Variants in ITFG1 observed in about 807,000 individuals in gnomAD.
ITFG1 encodes the protein integrin alpha FG-GAP repeat containing 1.
In ITFG1, 34 loss-of-function variants were observed where a neutral mutation model predicts 81.8. The observed-to-expected ratio is 0.42, with a 90% CI of 0.32 to 0.55. The LOEUF is 0.55. Ranked by LOEUF, ITFG1 falls within the 20% of genes least tolerant of loss-of-function variation. ITFG1 has a pLI of 0.17. For missense variants in ITFG1, 672 were observed against 755.4 expected (o/e 0.89, Z 1.29); for synonymous variants, 285 against 270.6 (o/e 1.05, Z -0.52).
In ITFG1 at chr16:47,155,645, A is replaced by AT; in HGVS notation, c.*73dup. On this transcript the variant is annotated 3_prime_UTR_variant, in exon 18 of 18. Coordinates refer to ENST00000320640, the MANE Select transcript of ITFG1 (RefSeq NM_030790.5). ...TTATAAATAATATTTAATCTCCCCT[A>AT]TTTTTTCAAGCCAGAATTTGTGTTT... 4 of 958,086 alleles carry AT rather than the reference A, an allele frequency of 4.2e-6. 1 individual carries two copies. In the South Asian group the frequency reaches 6.0e-5, roughly 14 times the overall value. 59.3% of individuals were successfully genotyped at this position (958,086 alleles called of 1,614,324 possible). A position where few individuals can be genotyped will look rare whatever the true frequency, so the allele number is the denominator to read the frequency against.
At chr16:47,188,809 C>G (rs987680312) in intron 14 of ITFG1, among the ~76,000 whole-genome samples, 4 of 151,924 alleles carry the variant, frequency 2.6e-5, no homozygotes, top group African/African-American at 9.7e-5. Context: ...TTGTAAACTA[C>G]AAAGCAGTGC....
Position 47,348,759 on chromosome 16 carries a change from T to C in ITFG1, c.802+17029A>G, listed in dbSNP as rs145169578. ...CAGCAACTCCAAGACACATAATTGTTAGATTCACCAAAGTTGAAATGAAGG... is the reference window on the plus strand; with the variant it reads ...CAGCAACTCCAAGACACATAATTGTCAGATTCACCAAAGTTGAAATGAAGG... On this transcript the variant is annotated intron_variant, in intron 8 of 17. Coordinates refer to ENST00000320640, the MANE Select transcript of ITFG1 (RefSeq NM_030790.5). Among the ~76,000 whole-genome samples the C allele has an allele frequency of 6.9e-3, 1,048 of 152,148 alleles. 14 individuals carry two copies. Among genetic ancestry groups the C allele is most frequent in the African/African-American group, 0.024 (1,004 of 41,524 alleles).
At chr16:47,225,068 A>T (rs186992875) in intron 13 of ITFG1, among the ~76,000 whole-genome samples, 1 of 152,336 alleles carries the variant, frequency 6.6e-6, no homozygotes, top group African/African-American at 2.4e-5. Context: ...AAATTATGAG[A>T]ACAGTGTCTC....
At chr16:47,384,706 C>A (rs886549241) in intron 6 of ITFG1, among the ~76,000 whole-genome samples, 1 of 152,162 alleles carries the variant, frequency 6.6e-6, no homozygotes, top group African/African-American at 2.4e-5. Context: ...TTTTTTTCCA[C>A]GTCATATCCA....
intron 5 of ITFG1, among the ~76,000 whole-genome samples, chr16:47,430,158 A>G (rs573817707): frequency 1.3e-5 from 2 of 150,878 alleles, no homozygotes; most frequent in Non-Finnish European, 3.0e-5. Context: ...CCAGGGTTCA[A>G]GCGATTCTCC....
chr16:47,427,790 G>A (rs192640199), intron 6 of ITFG1, among the ~76,000 whole-genome samples: 15 of 152,234 alleles, frequency 9.9e-5, no homozygotes, highest in East Asian at 9.6e-4. Context: ...AAAACATGTC[G>A]GAGAAAATCT....
chr16:47,270,752 A>T (rs1966329350), intron 10 of ITFG1, among the ~76,000 whole-genome samples: 1 of 152,242 alleles, frequency 6.6e-6, no homozygotes, highest in African/African-American at 2.4e-5. Flanking sequence ...GATACATGTA[A>T]AACCATGGAT....
chr16:47,181,588 C>T (rs1343343300), intron 14 of ITFG1, among the ~76,000 whole-genome samples: 4 of 149,804 alleles, frequency 2.7e-5, no homozygotes, highest in African/African-American at 9.8e-5. Context: ...CCAGCCGCCC[C>T]GTCCAGGAGG....
At chr16:47,242,040 T>G (rs1395904443) in intron 12 of ITFG1, among the ~76,000 whole-genome samples, 1 of 151,988 alleles carries the variant, frequency 6.6e-6, no homozygotes, top group Non-Finnish European at 1.5e-5. Flanking sequence ...CTCAAATGAT[T>G]GCAGTGATGG....
At chr16:47,358,859 A>G (rs951327073) in intron 8 of ITFG1, among the ~76,000 whole-genome samples, 1 of 152,200 alleles carries the variant, frequency 6.6e-6, no homozygotes, top group Admixed American at 6.5e-5. Flanking sequence ...AAATACACCA[A>G]TGGAGTTCTG....
chr16:47,439,064 G>A (rs901987306), intron 5 of ITFG1, among the ~76,000 whole-genome samples: 1 of 152,168 alleles, frequency 6.6e-6, no homozygotes, highest in Non-Finnish European at 1.5e-5. Context: ...CCGATGCGAT[G>A]AACTGGAAGA....
chr16:47,318,674 T>C (rs2151567550), intron 8 of ITFG1, among the ~76,000 whole-genome samples: 1 of 152,280 alleles, frequency 6.6e-6, no homozygotes, highest in Non-Finnish European at 1.5e-5. Flanking sequence ...AAGACAGAAA[T>C]AGTTCAATAT....
chr16:47,302,948 A>T (rs1400071137), intron 10 of ITFG1, among the ~76,000 whole-genome samples: 3 of 152,160 alleles, frequency 2.0e-5, no homozygotes, highest in Non-Finnish European at 4.4e-5. Context: ...GGGTCTTGAT[A>T]TTTAGATTTA....
rs1966196151 is a variant in ITFG1 at position 47,260,465 on chromosome 16, T to C, written c.1221+80A>G. ...TTTTTGTTGTGTTGTCCACATTTTC[T>C]GGTCAAATGGAATGAAGCTAAAGTG... On this transcript the variant is annotated intron_variant, in intron 11 of 17. Coordinates refer to ENST00000320640, the MANE Select transcript of ITFG1 (RefSeq NM_030790.5). The C allele has an allele frequency of 2.1e-6, 3 of 1,451,446 alleles. No homozygotes were observed. The East Asian group carries it at 6.9e-5, about 33-fold the overall frequency. 89.9% of individuals were successfully genotyped at this position (1,451,446 alleles called of 1,614,324 possible).
intron 8 of ITFG1, among the ~76,000 whole-genome samples, chr16:47,348,671 C>T (rs2151580355): frequency 6.6e-6 from 1 of 152,272 alleles, no homozygotes; most frequent in Non-Finnish European, 1.5e-5. Context: ...CCCAACCTAG[C>T]AAGGCAGGCC....
At chr16:47,279,675 T>C (rs1396387574) in intron 10 of ITFG1, among the ~76,000 whole-genome samples, 1 of 152,184 alleles carries the variant, frequency 6.6e-6, no homozygotes. Context: ...ACAAAAAAAC[T>C]CTACTGCGAT....
intron 10 of ITFG1, among the ~76,000 whole-genome samples, chr16:47,291,170 CA>C (rs1289051661): frequency 1.3e-5 from 2 of 152,010 alleles, no homozygotes; most frequent in African/African-American, 2.4e-5. Context: ...TTGGTTTTTA[CA>C]GTTACAGTAT....
intron 8 of ITFG1, among the ~76,000 whole-genome samples, chr16:47,315,524 ATACTT>A (rs2037893474): frequency 6.6e-6 from 1 of 152,138 alleles, no homozygotes. Flanking sequence ...AATCTTATTC[ATACTT>A]TACTTCTCCC....
At chr16:47,432,257 A>G (rs1969105251) in intron 5 of ITFG1, among the ~76,000 whole-genome samples, 1 of 152,204 alleles carries the variant, frequency 6.6e-6, no homozygotes, top group Non-Finnish European at 1.5e-5. Flanking sequence ...AACCACAGAT[A>G]TGTCATCTCC....
Sources: allele counts gnomAD v4.1 joint callset (sites outside exome capture counted in the v4.1 genomes callset), GRCh38; gene constraint gnomAD v4.1.1; transcripts MANE v1.5; gene names NCBI Gene and HGNC (gene_info 2026-07-23, HGNC 2026-07-21).